The following WDR20 variants were observed in gnomAD, a reference collection of about 807,000 sequenced individuals.
The protein encoded by WDR20 is WD repeat domain 20.
Under a neutral mutation model 38.7 loss-of-function variants are expected in WDR20, and 3 were observed. The observed-to-expected ratio is 0.08, with a 90% CI of 0.04 to 0.20. The LOEUF is 0.20. Among genes scored for constraint, WDR20 ranks in the 10% least tolerant of loss-of-function variants. WDR20 has a pLI of 1.00. For synonymous variants in WDR20, 298 were observed against 285.6 expected, an observed-to-expected ratio of 1.04 and a Z score of -0.44; for missense variants, 559 against 727.7, an observed-to-expected ratio of 0.77 and a Z score of 2.67.
upstream of WDR20, chr14:102,139,644 G>C (rs577664351): frequency 1.6e-6 from 1 of 641,548 alleles, no homozygotes; most frequent in African/African-American, 1.8e-5. Flanking sequence ...AGCTGAAGCC[G>C]GCATCACCTG....
intron 1 of WDR20, among the ~76,000 whole-genome samples, chr14:102,147,957 C>G (rs936776276): frequency 2.0e-5 from 3 of 152,190 alleles, no homozygotes; most frequent in African/African-American, 7.2e-5. Flanking sequence ...CCTTGAACTC[C>G]TGACCTCAGG....
chr14:102,221,394 T>C lies in WDR20; in HGVS notation c.1693-1436T>C, dbSNP rs2063878726. 2.0e-5 allele frequency among the ~76,000 whole-genome samples: 3 copies of C among 152,240 alleles called. No individual in the cohort carries two copies. The highest frequency in any genetic ancestry group is 2.1e-4 in the South Asian group (1 of 4,820). ...GGTGCGCGTGGTGATGAAGGCAGAGTGTCCTGTGTGAGAGGCTTCCTTCCT... is the reference window on the plus strand; with the variant it reads ...GGTGCGCGTGGTGATGAAGGCAGAGCGTCCTGTGTGAGAGGCTTCCTTCCT... On this transcript the variant is annotated intron_variant, in intron 3 of 3. Transcript: ENST00000335263. This position sits in a 1 kb window ranked among gnomAD's most constrained non-coding sequence, Gnocchi z 4.8.
intron 1 of WDR20, among the ~76,000 whole-genome samples, chr14:102,160,787 A>T (rs996830071): frequency 1.4e-5 from 2 of 143,986 alleles, no homozygotes; most frequent in Non-Finnish European, 3.1e-5. Flanking sequence ...CTAAATATAT[A>T]AAAAAAAAAA....
downstream of WDR20, chr14:102,224,822 A>G: frequency 2.2e-6 from 1 of 456,008 alleles, no homozygotes; most frequent in South Asian, 1.5e-5. Flanking sequence ...AAAAGACACT[A>G]AGACTTGCTG....
chr14:102,209,079 C>A lies in WDR20; in HGVS notation c.909C>A (p.His303Gln). Reference protein sequence around the residue: ...DCRVIARGHGHKSWVSVVAFD... With the variant: ...DCRVIARGHGQKSWVSVVAFD... ...GAGTAATAGCCAGAGGCCACGGGCA[C>A]AAGTCCTGGGTCAGTGTTGTAGCGT... Residue 303 changes from histidine to glutamine, a missense_variant, in exon 3 of 3, where the codon CAC (histidine) becomes CAA (glutamine). By Grantham distance (24) the His-to-Gln change is conservative (BLOSUM62 0). Coordinates refer to ENST00000342702, the MANE Select transcript of WDR20 (RefSeq NM_144574.4). This position sits in a 1 kb window ranked among gnomAD's most constrained non-coding sequence, Gnocchi z 6.0. 6.2e-7 allele frequency: 1 copy of A among 1,614,140 alleles called. No homozygotes were observed. Among genetic ancestry groups the A allele is most frequent in the South Asian group, 1.1e-5 (1 of 91,078 alleles).
At position 102,209,040 on chromosome 14, in the gene WDR20, C is replaced by T; in HGVS notation, c.870C>T (p.Ser290=). 1 of 1,614,156 alleles carries T rather than the reference C, an allele frequency of 6.2e-7. No homozygotes were observed. Among genetic ancestry groups the T allele is most frequent in the Non-Finnish European group, 8.5e-7 (1 of 1,180,020 alleles). The change falls in exon 3 of 3, where the codon TCC becomes TCT. Residue 290 remains serine, a synonymous_variant. Transcript: ENST00000342702. This position sits in a 1 kb window ranked among gnomAD's most constrained non-coding sequence, Gnocchi z 6.0. ...AGGACGACTTGGTGACAGTCTGGTC[C>T]TTTGTAGACTGCCGAGTAATAGCCA... is the stretch of plus-strand genomic sequence containing the variant. ...GGEDDLVTVW[S]FVDCRVIARG...
chr14:102,165,971 T>TA lies in WDR20; in HGVS notation c.249+25801dup, dbSNP rs145403480. 7.5e-3 allele frequency among the ~76,000 whole-genome samples: 1,141 copies of TA among 152,150 alleles called. 64 individuals are homozygous for TA. In the East Asian group the frequency reaches 0.16, roughly 21 times the overall value. ...GTTATTTCCATTTTTATTCTCTCCT[T>TA]AATCTTTGAGTTCTAAGCAAGTGAT... is the stretch of plus-strand genomic sequence containing the variant. On this transcript the variant is annotated intron_variant, in intron 1 of 2. Coordinates refer to ENST00000342702, the MANE Select transcript of WDR20 (RefSeq NM_144574.4).
At chr14:102,147,119 A>G (rs1170811001) in intron 1 of WDR20, among the ~76,000 whole-genome samples, 1 of 152,106 alleles carries the variant, frequency 6.6e-6, no homozygotes. Context: ...AGATATTGAA[A>G]GATTGCATGG....
At position 102,208,558 on chromosome 14, in the gene WDR20, T is replaced by C. The variant is rs758942759; in HGVS notation, c.433-45T>C. The C allele has an allele frequency of 6.5e-7, 1 of 1,541,642 alleles. No homozygotes were observed. Among genetic ancestry groups the C allele is most frequent in the Admixed American group, 1.9e-5 (1 of 51,450 alleles). ...TTTTCTTGCTGGAAAAGTAGACCTT[T>C]GAGACTTCTCCGTTGTGCTAACTTG... On this transcript the variant is annotated intron_variant, in intron 2 of 2. Transcript: ENST00000342702. This position sits in a 1 kb window ranked among gnomAD's most constrained non-coding sequence, Gnocchi z 5.6.
intron 1 of WDR20, chr14:102,193,629 T>C: frequency 1.0e-6 from 1 of 965,458 alleles, no homozygotes; most frequent in Non-Finnish European, 1.5e-6. Flanking sequence ...GTTTTGAGTT[T>C]GCTCAAAGAC....
chr14:102,160,947 CAAAAAAAAAAAA>C (rs57488628), intron 1 of WDR20, among the ~76,000 whole-genome samples: 1 of 54,626 alleles, frequency 1.8e-5, no homozygotes, highest in Middle Eastern at 0.012. Context: ...GACTCTGTCT[CAAAAAAAAAAAA>C]AAAAAAAAGA....
chr14:102,153,187 G>GC (rs1194415278), intron 1 of WDR20, among the ~76,000 whole-genome samples: 6 of 151,932 alleles, frequency 3.9e-5, no homozygotes, highest in Non-Finnish European at 7.4e-5. Context: ...TGAAGTGCCT[G>GC]CCCCCCCTTC....
intron 1 of WDR20, among the ~76,000 whole-genome samples, chr14:102,155,603 G>T (rs930551660): frequency 6.6e-6 from 1 of 152,184 alleles, no homozygotes; most frequent in Non-Finnish European, 1.5e-5. Context: ...ACTCATTAGG[G>T]CTCCTTAGCC....
intron 1 of WDR20, chr14:102,179,005 G>T (rs985268934): frequency 2.0e-5 from 3 of 151,724 alleles, no homozygotes; most frequent in African/African-American, 7.3e-5. Flanking sequence ...TTTCAGCAAG[G>T]CCTGTCAGAC....
chr14:102,185,143 C>T (rs183718807), intron 1 of WDR20, among the ~76,000 whole-genome samples: 85 of 152,210 alleles, frequency 5.6e-4, no homozygotes, highest in African/African-American at 1.8e-3. Context: ...TCTGTTTTTC[C>T]TTATGTCTGT....
chr14:102,212,714 C>CTGATATCAGGTGTGTAAGGTTTT, downstream of WDR20: 1 of 1,481,878 alleles, frequency 6.7e-7, no homozygotes, highest in Non-Finnish European at 9.0e-7. Context: ...GCGGTGGTTC[C>CTGATATCAGGTGTGTAAGGTTTT]TGATATCAGG....
intron 1 of WDR20, among the ~76,000 whole-genome samples, chr14:102,153,900 C>G (rs1055805843): frequency 6.6e-6 from 1 of 152,200 alleles, no homozygotes; most frequent in Non-Finnish European, 1.5e-5. Context: ...TTTAAATACC[C>G]TTTGTCTGGG....
At chr14:102,152,676 A>C (rs142810214) in intron 1 of WDR20, among the ~76,000 whole-genome samples, 1 of 151,964 alleles carries the variant, frequency 6.6e-6, no homozygotes, top group African/African-American at 2.4e-5. Flanking sequence ...CAGCCTTCCA[A>C]AGTGCTGGGA....
intron 1 of WDR20, among the ~76,000 whole-genome samples, chr14:102,175,857 G>A (rs1025184764): frequency 1.3e-5 from 2 of 152,074 alleles, no homozygotes; most frequent in Admixed American, 6.6e-5. Flanking sequence ...CAGCTTGGTC[G>A]CTGTTGGTAT....
Sources: gnomAD v4.1 joint callset for allele counts (sites outside exome capture counted in the v4.1 genomes callset) on GRCh38, gnomAD v4.1.1 for gene constraint, Gnocchi (gnomAD v3.1) non-coding constraint, MANE v1.5 for transcripts, NCBI Gene and HGNC (gene_info 2026-07-23, HGNC 2026-07-21) for gene names.